Variants in CPSF3 observed in about 807,000 individuals in gnomAD.
CPSF3 encodes cleavage and polyadenylation specific factor 3.
A neutral mutation model predicts 84.1 loss-of-function variants in CPSF3; 57 were observed. The observed-to-expected ratio is 0.68, with a 90% CI of 0.55 to 0.85. The LOEUF (loss-of-function observed/expected upper bound fraction) is 0.85. Among genes scored for constraint, CPSF3 ranks in the 40% least tolerant of loss-of-function variants. The pLI, the probability that CPSF3 is intolerant of heterozygous loss-of-function variation, is 0.00. For synonymous variants in CPSF3, 275 were observed against 278.1 expected (o/e 0.99, Z 0.11); for missense variants, 522 against 838.8 (o/e 0.62, Z 4.66).
At chr2:9,438,458 A>C (rs998557931) in intron 7 of CPSF3, among the ~76,000 whole-genome samples, 4 of 151,992 alleles carry the variant, frequency 2.6e-5, no homozygotes, top group Non-Finnish European at 5.9e-5. Context: ...TAAATAATGA[A>C]TAATGTTTTA....
chr2:9,472,319 CAAAA>C (rs35266408), intron 17 of CPSF3, among the ~76,000 whole-genome samples: 7 of 115,822 alleles, frequency 6.0e-5, no homozygotes, highest in Admixed American at 9.4e-5. Flanking sequence ...GATTCTGTCT[CAAAA>C]AAAAAAAAAA....
At chr2:9,452,100 G>T (rs1681353379) in intron 11 of CPSF3, among the ~76,000 whole-genome samples, 1 of 152,080 alleles carries the variant, frequency 6.6e-6, no homozygotes, top group African/African-American at 2.4e-5. Flanking sequence ...AGGCCGAGGT[G>T]GGCAGATCAT....
intron 1 of CPSF3, chr2:9,424,339 A>G (rs1680260087): frequency 1.2e-6 from 1 of 810,296 alleles, no homozygotes; most frequent in Non-Finnish European, 1.5e-6. Context: ...CTCAGGCCCT[A>G]GTAGAATAAG....
chr2:9,465,955 C>T (rs944661754), intron 15 of CPSF3, among the ~76,000 whole-genome samples: 1 of 152,060 alleles, frequency 6.6e-6, no homozygotes, highest in Non-Finnish European at 1.5e-5. Context: ...ATTCACATAC[C>T]ATACAATTCA....
chr2:9,442,500 A>C (rs781377246), intron 9 of CPSF3, among the ~76,000 whole-genome samples: 7 of 152,190 alleles, frequency 4.6e-5, no homozygotes, highest in Non-Finnish European at 1.0e-4. Flanking sequence ...ATTCTTTGAT[A>C]ATCTTTATTA....
In CPSF3 at chr2:9,459,636, T is replaced by G. The variant is rs760007034; in HGVS notation, c.1786+18T>G. 1.4e-6 allele frequency: 1 copy of G among 720,732 alleles called. No individual in the cohort carries two copies. The highest frequency in any genetic ancestry group is 2.3e-6 in the Non-Finnish European group (1 of 440,390). 44.6% of individuals were successfully genotyped at this position (720,732 alleles called of 1,614,324 possible). On this transcript the variant is annotated intron_variant, in intron 15 of 17. Coordinates refer to ENST00000238112, the MANE Select transcript of CPSF3 (RefSeq NM_016207.4). ...AAGAAAAGGTAAGAGTTCATTTTTA[T>G]CCTTTTTTTTTTTTTTTTTTTTTTT...
intron 9 of CPSF3, among the ~76,000 whole-genome samples, chr2:9,442,973 G>A (rs995490820): frequency 3.3e-5 from 5 of 152,134 alleles, no homozygotes; most frequent in African/African-American, 1.2e-4. Context: ...GACCAGCTTG[G>A]GCAACATGGA....
chr2:9,426,709 G>C (rs1680404983), intron 1 of CPSF3, among the ~76,000 whole-genome samples: 2 of 152,064 alleles, frequency 1.3e-5, no homozygotes, highest in South Asian at 4.1e-4. Context: ...CCAAGGGAGA[G>C]GTGCTTGAGG....
chr2:9,466,728 G>A (rs925036427), intron 15 of CPSF3, among the ~76,000 whole-genome samples: 3 of 152,212 alleles, frequency 2.0e-5, no homozygotes, highest in Non-Finnish European at 2.9e-5. Context: ...GGATTTGCCT[G>A]TTCTCAGCGT....
chr2:9,467,160 G>C (rs1267674042), intron 15 of CPSF3, among the ~76,000 whole-genome samples: 1 of 152,160 alleles, frequency 6.6e-6, no homozygotes, highest in East Asian at 1.9e-4. Context: ...TGAAACTCCA[G>C]ATTAAGGGGG....
At chr2:9,424,082 T>C (rs1680233299) in intron 1 of CPSF3, 1 of 1,220,602 alleles carries the variant, frequency 8.2e-7, no homozygotes, top group East Asian at 3.8e-5. Context: ...AAAAAAGTTT[T>C]ACGGGGCCAC....
chr2:9,447,002 A>G (rs1237260286), intron 10 of CPSF3, among the ~76,000 whole-genome samples: 1 of 152,000 alleles, frequency 6.6e-6, no homozygotes, highest in Non-Finnish European at 1.5e-5. Context: ...CTAGCCAAGC[A>G]TGGTGGCTCA....
intron 10 of CPSF3, among the ~76,000 whole-genome samples, chr2:9,447,721 G>A (rs1001162262): frequency 3.3e-5 from 5 of 152,184 alleles, no homozygotes; most frequent in Admixed American, 3.3e-4. Context: ...GCTGCAGTGA[G>A]CTGAGATCAC....
In CPSF3 at chr2:9,456,993, C is replaced by T. The variant is rs368542543; in HGVS notation, c.1664C>T (p.Thr555Ile). ...GCTCTGAAAGTGTTCAAAAATATTA[C>T]TGTAATACAAGAACCAGGCATGGTG... ...KPALKVFKNI[T>I]VIQEPGMVVL... Residue 555 changes from threonine to isoleucine, a missense_variant, in exon 14 of 18, where the codon ACT (threonine) becomes ATT (isoleucine). Thr to Ile is a moderately conservative substitution (Grantham distance 89, BLOSUM62 -1). This residue lies in a region of CPSF3 where 193 missense variants were observed against 231.6 expected (regional missense o/e 0.83). Transcript: ENST00000238112. 70 of 1,600,392 alleles carry T rather than the reference C, an allele frequency of 4.4e-5. No homozygotes were observed. In the Middle Eastern group the frequency reaches 5.0e-4, roughly 11 times the overall value.
chr2:9,432,748 C>T, intron 5 of CPSF3, 60 bp downstream of exon 5: 1 of 1,320,438 alleles, frequency 7.6e-7, no homozygotes, highest in Non-Finnish European at 9.9e-7. Flanking sequence ...TTTGTGCCAC[C>T]AAGTACTATT....
intron 14 of CPSF3, among the ~76,000 whole-genome samples, chr2:9,457,823 G>C (rs1681584411): frequency 6.6e-6 from 1 of 151,814 alleles, no homozygotes; most frequent in African/African-American, 2.4e-5. Context: ...GGTGATCTCA[G>C]CTCACTGCAA....
chr2:9,459,581 G>A lies in CPSF3; in HGVS notation c.1749G>A (p.Val583=), dbSNP rs767808900. 4.3e-5 allele frequency: 64 copies of A among 1,497,936 alleles called. No individual in the cohort carries two copies. Among genetic ancestry groups the A allele is most frequent in the Non-Finnish European group, 4.9e-5 (54 of 1,108,138 alleles). The allele number at this position is 1,497,936 out of a possible 1,614,324, so 92.8% of individuals were successfully genotyped here. Residue 583 remains valine, a synonymous_variant, in exon 15 of 18, where the codon GTG becomes GTA. Coordinates refer to ENST00000238112, the MANE Select transcript of CPSF3 (RefSeq NM_016207.4). ...TGTATGCAGATACAGTAACAACTGT[G>A]ATATTGGAAGTTCAGTCAAATCCCA... ...NDMYADTVTT[V]ILEVQSNPKI... is the part of the protein sequence containing the mutation.
chr2:9,424,336 C>G, intron 1 of CPSF3: 1 of 830,762 alleles, frequency 1.2e-6, no homozygotes, highest in Admixed American at 6.2e-5. Flanking sequence ...CAGCTCAGGC[C>G]CTAGTAGAAT....
At chr2:9,438,563 T>G (rs1477231071) in intron 7 of CPSF3, among the ~76,000 whole-genome samples, 1 of 150,176 alleles carries the variant, frequency 6.7e-6, no homozygotes. Flanking sequence ...GTGGTGGCGC[T>G]ATCTCGGCTT....
Sources: gnomAD v4.1 joint callset for allele counts (sites outside exome capture counted in the v4.1 genomes callset) on GRCh38, gnomAD v4.1.1 for gene constraint, gnomAD v4.1.1 regional missense constraint, MANE v1.5 for transcripts, NCBI Gene and HGNC (gene_info 2026-07-23, HGNC 2026-07-21) for gene names.